WDFY4: variants seen among roughly 807,000 people sequenced by gnomAD.
WDFY4 encodes WDFY family member 4.
A neutral mutation model predicts 351.9 loss-of-function variants in WDFY4; 169 were observed. The ratio of observed to expected loss-of-function variants is 0.48; its 90% CI spans 0.42 to 0.55. The LOEUF is 0.55. Among genes scored for constraint, WDFY4 ranks in the 20% least tolerant of loss-of-function variants. The pLI is 0.00. For synonymous variants in WDFY4, 1,622 were observed against 1,574.6 expected, an observed-to-expected ratio of 1.03 and a Z score of -0.71; for missense variants, 3,803 against 3,935.6, an observed-to-expected ratio of 0.97 and a Z score of 0.90.
rs570483266 is a variant in WDFY4, at chr10:48,894,208, T to A, written c.7317-3246T>A. 2.1e-4 allele frequency among the ~76,000 whole-genome samples: 32 copies of A among 152,376 alleles called. No individual in the cohort carries two copies. The South Asian group carries it at 6.6e-3, about 32-fold the overall frequency. On this transcript the variant is annotated intron_variant, in intron 44 of 61. Coordinates refer to ENST00000325239, the MANE Select transcript of WDFY4 (RefSeq NM_001394531.1). ...TCTACAAGCAGGAGGAAAATGACTA[T>A]CTTTTCTCCTAAAAGCTCGTTACCA...
intron 47 of WDFY4, among the ~76,000 whole-genome samples, chr10:48,940,192 C>T (rs1056122181): frequency 6.6e-6 from 1 of 152,234 alleles, no homozygotes; most frequent in African/African-American, 2.4e-5. Context: ...AGCAGCCTAC[C>T]CTCCAGAACT....
intron 28 of WDFY4, 47 bp downstream of exon 28, chr10:48,808,005 A>C (rs973936201): frequency 1.4e-6 from 2 of 1,434,452 alleles, no homozygotes. Context: ...TACCTCATAC[A>C]GGGTGTGGCA....
intron 53 of WDFY4, among the ~76,000 whole-genome samples, chr10:48,963,353 A>G (rs914769311): frequency 6.6e-6 from 1 of 152,206 alleles, no homozygotes; most frequent in Non-Finnish European, 1.5e-5. Flanking sequence ...ACCAAGGAAC[A>G]GTGATGTTAA....
rs541532425 is a variant in WDFY4, at chr10:48,907,481, TG to T, written c.7586+5623del. On this transcript the variant is annotated intron_variant, in intron 47 of 61. Coordinates refer to ENST00000325239, the MANE Select transcript of WDFY4 (RefSeq NM_001394531.1). ...ATAATGTTTAGAATGAAATTTATTTTGGGGGTGCAAAGATTTACAGTTGAAC... is the reference window on the plus strand; with the variant it reads ...ATAATGTTTAGAATGAAATTTATTTTGGGGTGCAAAGATTTACAGTTGAAC... Among the ~76,000 whole-genome samples the T allele has an allele frequency of 9.8e-5, 15 of 152,364 alleles. No individual in the cohort carries two copies. In the East Asian group the frequency reaches 2.7e-3, roughly 27 times the overall value.
intron 39 of WDFY4, among the ~76,000 whole-genome samples, chr10:48,837,121 G>C (rs1000497828): frequency 6.6e-6 from 1 of 151,964 alleles, no homozygotes; most frequent in Admixed American, 6.6e-5. Flanking sequence ...AAAATGCAAT[G>C]TGTGTCATCA....
chr10:48,803,212 A>G lies in WDFY4; in HGVS notation c.4411-74A>G. 2.1e-6 allele frequency: 3 copies of G among 1,440,018 alleles called. No individual in the cohort carries two copies. The South Asian group carries it at 3.7e-5, about 18-fold the overall frequency. The allele number at this position is 1,440,018 out of a possible 1,614,324, so 89.2% of individuals were successfully genotyped here. ...TCAGAGGATCACCTGTCCAGCACTG[A>G]CCTTCTCATGCTTCCTGCAAATCAT... On this transcript the variant is annotated intron_variant, in intron 24 of 61. Coordinates refer to ENST00000325239, the MANE Select transcript of WDFY4 (RefSeq NM_001394531.1).
At chr10:48,794,825 T>C (rs1490916201) in intron 23 of WDFY4, among the ~76,000 whole-genome samples, 1 of 152,098 alleles carries the variant, frequency 6.6e-6, no homozygotes, top group Non-Finnish European at 1.5e-5. Flanking sequence ...CTGGTGGCCT[T>C]TCTGAGGGAG....
At chr10:48,701,562 T>G (rs1189300153) in intron 1 of WDFY4, among the ~76,000 whole-genome samples, 1 of 152,216 alleles carries the variant, frequency 6.6e-6, no homozygotes, top group Non-Finnish European at 1.5e-5. Context: ...TTGACCAACG[T>G]GGAGGCTGAG....
intron 1 of WDFY4, among the ~76,000 whole-genome samples, chr10:48,687,930 C>T (rs116260105): frequency 0.012 from 1,833 of 152,242 alleles, 40 homozygotes; most frequent in African/African-American, 0.042. Context: ...TACTGGCGTG[C>T]GCCACCACAT....
intron 29 of WDFY4, 148 bp downstream of exon 29, chr10:48,810,883 A>C: frequency 5.0e-6 from 4 of 799,678 alleles, no homozygotes; most frequent in Non-Finnish European, 5.6e-6. Context: ...CTACATCCAA[A>C]TGAGCCCAGC....
chr10:48,847,353 C>T (rs1018475773), intron 39 of WDFY4, among the ~76,000 whole-genome samples: 1 of 152,158 alleles, frequency 6.6e-6, no homozygotes, highest in African/African-American at 2.4e-5. Flanking sequence ...TTCTGAGGTA[C>T]TAGGGGTTAG....
chr10:48,864,217 C>T (rs2069452926), intron 39 of WDFY4, among the ~76,000 whole-genome samples: 4 of 152,124 alleles, frequency 2.6e-5, no homozygotes, highest in African/African-American at 7.2e-5. Flanking sequence ...ATAGTTTTAG[C>T]TCTTCTATTC....
chr10:48,749,055 A>G (rs1334496803), intron 12 of WDFY4, among the ~76,000 whole-genome samples: 4 of 152,194 alleles, frequency 2.6e-5, no homozygotes, highest in Non-Finnish European at 4.4e-5. Flanking sequence ...ATCTACATTG[A>G]GGGAAGATGG....
chr10:48,963,751 C>T (rs1011952461), intron 53 of WDFY4, 91 bp from the exon 54 acceptor site: 1 of 1,342,344 alleles, frequency 7.4e-7, no homozygotes. Flanking sequence ...AGGGCCAGCA[C>T]TCTGAAGCAT....
chr10:48,874,276 C>G (rs140199843), intron 41 of WDFY4, among the ~76,000 whole-genome samples: 1 of 152,150 alleles, frequency 6.6e-6, no homozygotes, highest in African/African-American at 2.4e-5. Context: ...TGAACTGTGT[C>G]GCAAACTCTT....
chr10:48,866,631 G>T (rs1215957938), intron 39 of WDFY4, among the ~76,000 whole-genome samples: 2 of 152,018 alleles, frequency 1.3e-5, no homozygotes, highest in Non-Finnish European at 2.9e-5. Context: ...CAGCTCTCTT[G>T]GTAGCTCTCT....
chr10:48,952,653 C>A (rs1285855123), intron 51 of WDFY4, among the ~76,000 whole-genome samples: 1 of 152,096 alleles, frequency 6.6e-6, no homozygotes, highest in African/African-American at 2.4e-5. Context: ...ACCTTAGTGT[C>A]CCCTACGTGC....
chr10:48,836,056 C>A (rs1319314274), intron 39 of WDFY4, among the ~76,000 whole-genome samples: 1 of 152,202 alleles, frequency 6.6e-6, no homozygotes, highest in Non-Finnish European at 1.5e-5. Context: ...CATCACTCAA[C>A]TCTGTGAGAT....
intron 39 of WDFY4, among the ~76,000 whole-genome samples, chr10:48,859,290 T>C (rs1300427098): frequency 6.6e-6 from 1 of 152,198 alleles, no homozygotes. Flanking sequence ...ACCTCTTTAC[T>C]TTATTCCAAT....
Sources: allele counts gnomAD v4.1 joint callset (sites outside exome capture counted in the v4.1 genomes callset), GRCh38; gene constraint gnomAD v4.1.1; transcripts MANE v1.5; gene names NCBI Gene and HGNC (gene_info 2026-07-23, HGNC 2026-07-21).